The following ADAMTS17 variants were observed in gnomAD, a reference collection of about 807,000 sequenced individuals.
ADAMTS17 encodes the protein ADAM metallopeptidase with thrombospondin type 1 motif 17.
A neutral mutation model predicts 141.5 loss-of-function variants in ADAMTS17; 113 were observed. The ratio of observed to expected loss-of-function variants is 0.80; its 90% confidence interval spans 0.69 to 0.93. The LOEUF is 0.93. ADAMTS17 is among the 40% of genes least tolerant of loss of function. The probability of loss-of-function intolerance (pLI) is 0.00; values close to 1 mark genes in which losing one functional copy is unlikely to be tolerated. For missense variants in ADAMTS17, 1,659 were observed against 1,517.9 expected, an observed-to-expected ratio of 1.09 and a Z score of -1.54; for synonymous variants, 768 against 630.6, an observed-to-expected ratio of 1.22 and a Z score of -3.27.
At chr15:100,162,900 CTATA>C (rs1162467648) in intron 8 of ADAMTS17, among the ~76,000 whole-genome samples, 3 of 141,494 alleles carry the variant, frequency 2.1e-5, no homozygotes, top group African/African-American at 5.2e-5. Flanking sequence ...GTATATAGAA[CTATA>C]TATGTATATG....
At chr15:100,155,419 A>G in intron 8 of ADAMTS17, 99 bp from the exon 9 acceptor site, 1 of 1,521,702 alleles carries the variant, frequency 6.6e-7, no homozygotes, top group Non-Finnish European at 8.9e-7. Context: ...AAGTCTTAAA[A>G]ACAAAAACGG....
chr15:100,214,501 G>GT (rs143003609), intron 7 of ADAMTS17, among the ~76,000 whole-genome samples: 2 of 151,852 alleles, frequency 1.3e-5, no homozygotes, highest in African/African-American at 2.4e-5. Context: ...TGGTAATTAT[G>GT]TTTTTTTAAT....
chr15:100,241,969 C>T (rs1383941437), intron 7 of ADAMTS17, among the ~76,000 whole-genome samples: 1 of 152,302 alleles, frequency 6.6e-6, no homozygotes, highest in East Asian at 1.9e-4. Context: ...AACCTTCCTT[C>T]CCGTTCCTGA....
intron 18 of ADAMTS17, among the ~76,000 whole-genome samples, chr15:100,035,892 G>A (rs1462036552): frequency 6.6e-6 from 1 of 152,154 alleles, no homozygotes; most frequent in South Asian, 2.1e-4. Context: ...AACATGCAGA[G>A]AATACTGTTA....
intron 3 of ADAMTS17, 82 bp downstream of exon 3, chr15:100,330,807 T>A: frequency 6.4e-7 from 1 of 1,558,012 alleles, no homozygotes; most frequent in Non-Finnish European, 8.8e-7. Context: ...CTCACTCATG[T>A]GGCTTCAGTG....
intron 3 of ADAMTS17, among the ~76,000 whole-genome samples, chr15:100,310,231 A>C (rs1472900308): frequency 6.6e-6 from 1 of 152,208 alleles, no homozygotes; most frequent in South Asian, 2.1e-4. Context: ...CCCCAGGGAC[A>C]AAGCAGGCAG....
intron 4 of ADAMTS17, among the ~76,000 whole-genome samples, chr15:100,265,807 G>T (rs1243241665): frequency 6.6e-6 from 1 of 152,190 alleles, no homozygotes; most frequent in Non-Finnish European, 1.5e-5. Flanking sequence ...GTCTGAGTGG[G>T]GTCCCCAAAG....
intron 18 of ADAMTS17, among the ~76,000 whole-genome samples, chr15:100,021,116 G>T (rs11855100): frequency 6.6e-6 from 1 of 152,136 alleles, no homozygotes; most frequent in African/African-American, 2.4e-5. Flanking sequence ...TCAGATACTA[G>T]GGAACAGGGC....
chr15:100,060,596 G>A (rs2033041493), intron 15 of ADAMTS17, among the ~76,000 whole-genome samples: 1 of 152,344 alleles, frequency 6.6e-6, no homozygotes, highest in South Asian at 2.1e-4. Flanking sequence ...AAGCCCGAGT[G>A]GGGTTCTTTT....
intron 14 of ADAMTS17, among the ~76,000 whole-genome samples, chr15:100,102,716 T>C (rs1476430040): frequency 6.6e-6 from 1 of 152,176 alleles, no homozygotes; most frequent in Non-Finnish European, 1.5e-5. Context: ...CGCAGAAGGC[T>C]GGGCACCGTC....
chr15:100,081,503 T>G (rs1029823987), intron 15 of ADAMTS17, among the ~76,000 whole-genome samples: 1 of 152,214 alleles, frequency 6.6e-6, no homozygotes, highest in Non-Finnish European at 1.5e-5. Context: ...GTGAATTATA[T>G]GGCATGTGAA....
chr15:100,159,253 A>T (rs2039581000), intron 8 of ADAMTS17, among the ~76,000 whole-genome samples: 1 of 152,252 alleles, frequency 6.6e-6, no homozygotes, highest in Non-Finnish European at 1.5e-5. Context: ...AATAAAATGT[A>T]GTCTATACAT....
chr15:100,073,873 C>A (rs866161536), intron 15 of ADAMTS17, among the ~76,000 whole-genome samples: 79 of 151,516 alleles, frequency 5.2e-4, no homozygotes, highest in Admixed American at 2.6e-3. Context: ...ATGTAACAAA[C>A]CTGCACGTTG....
intron 20 of ADAMTS17, 141 bp from the exon 21 acceptor site, chr15:99,976,363 A>G: frequency 5.6e-6 from 6 of 1,079,104 alleles, no homozygotes; most frequent in Non-Finnish European, 8.2e-6. Flanking sequence ...ATGGCCTCAC[A>G]ATGTGGCACT....
At chr15:100,174,598 T>C (rs2040271712) in intron 8 of ADAMTS17, among the ~76,000 whole-genome samples, 1 of 152,238 alleles carries the variant, frequency 6.6e-6, no homozygotes, top group African/African-American at 2.4e-5. Flanking sequence ...TAAACAAATA[T>C]TCACTTCTCC....
At position 99,988,849 on chromosome 15, in the gene ADAMTS17, C is replaced by T. The variant is rs138670847; in HGVS notation, c.2949+4199G>A. On this transcript the variant is annotated intron_variant, in intron 20 of 21. Transcript: ENST00000268070. ...GGGAAGGCTCATGGGCTGAGTGAGC[C>T]ACGTGATGCATGAGCACCAGGTCTT... is the stretch of plus-strand genomic sequence containing the variant. Among the ~76,000 whole-genome samples, 217 of 152,322 alleles carry T rather than the reference C, an allele frequency of 1.4e-3. 1 individual carries two copies. Among genetic ancestry groups the T allele is most frequent in the Non-Finnish European group, 2.3e-3 (157 of 68,034 alleles).
chr15:100,219,726 T>C (rs1253634321), intron 7 of ADAMTS17, among the ~76,000 whole-genome samples: 1 of 152,316 alleles, frequency 6.6e-6, no homozygotes, highest in Non-Finnish European at 1.5e-5. Context: ...AGAATAATTC[T>C]GACTGTTCTG....
At chr15:100,245,567 A>C (rs1040835858) in intron 7 of ADAMTS17, among the ~76,000 whole-genome samples, 1 of 152,226 alleles carries the variant, frequency 6.6e-6, no homozygotes, top group Non-Finnish European at 1.5e-5. Flanking sequence ...ACCATTTTCT[A>C]ATGTATTTCA....
intron 7 of ADAMTS17, among the ~76,000 whole-genome samples, chr15:100,242,588 G>C (rs549974279): frequency 6.6e-6 from 1 of 152,124 alleles, no homozygotes; most frequent in Admixed American, 6.6e-5. Flanking sequence ...TCCCATCCTA[G>C]GCGGTACCTC....
Sources: gnomAD v4.1 joint callset for allele counts (sites outside exome capture counted in the v4.1 genomes callset) on GRCh38, gnomAD v4.1.1 for gene constraint, MANE v1.5 for transcripts, NCBI Gene and HGNC (gene_info 2026-07-23, HGNC 2026-07-21) for gene names.